HTR1D: variants seen among roughly 807,000 people sequenced by gnomAD.
HTR1D encodes the protein 5-hydroxytryptamine receptor 1D, also known as 5-HT-1D.
In HTR1D, 18 loss-of-function variants were observed where a neutral mutation model predicts 21.1. The ratio of observed to expected loss-of-function variants is 0.85; its 90% CI spans 0.59 to 1.27. The LOEUF is 1.27. HTR1D is among the 50% of genes most tolerant of loss of function. HTR1D has a pLI of 0.00. For missense variants in HTR1D, 456 were observed against 481.4 expected, an observed-to-expected ratio of 0.95 and a Z score of 0.49; for synonymous variants, 196 against 204.4, an observed-to-expected ratio of 0.96 and a Z score of 0.35.
chr1:23,202,859 C>T (rs2148240838), intron 1 of HTR1D, among the ~76,000 whole-genome samples: 1 of 152,256 alleles, frequency 6.6e-6, no homozygotes, highest in Admixed American at 6.5e-5. Flanking sequence ...AAGTCTACCT[C>T]CCAGAGATAT....
rs1199760172 is a variant in HTR1D at position 23,217,182 on chromosome 1, G to A, written c.-783+109C>T. Among the ~76,000 whole-genome samples, 1 of 151,740 alleles carries A rather than the reference G, an allele frequency of 6.6e-6. No individual in the cohort carries two copies. Among genetic ancestry groups the A allele is most frequent in the African/African-American group, 2.4e-5 (1 of 41,356 alleles). ...GCGCGCCCGTCCGAGGGCACAGAGAGGCGGGACGCCCCGGGCCCCCGAGGC... is the reference window on the plus strand; with the variant it reads ...GCGCGCCCGTCCGAGGGCACAGAGAAGCGGGACGCCCCGGGCCCCCGAGGC... On this transcript the variant is annotated intron_variant, in intron 1 of 1. Transcript: ENST00000374619. This position sits in a 1 kb window ranked among gnomAD's most constrained non-coding sequence, Gnocchi z 4.6.
intron 1 of HTR1D, among the ~76,000 whole-genome samples, chr1:23,197,191 C>A (rs2148238735): frequency 6.6e-6 from 1 of 152,128 alleles, no homozygotes; most frequent in Non-Finnish European, 1.5e-5. Context: ...AGCCCTCCAG[C>A]CCTCAGCAAC....
chr1:23,204,684 T>G (rs1270729074), intron 1 of HTR1D, among the ~76,000 whole-genome samples: 1 of 152,220 alleles, frequency 6.6e-6, no homozygotes, highest in Non-Finnish European at 1.5e-5. Context: ...AGTAAGCCAG[T>G]GCCAAATGTA....
At position 23,193,452 on chromosome 1, in the gene HTR1D, G is replaced by A. The variant is rs1341452115; in HGVS notation, c.768C>T (p.Leu256=). ...AGTGCCCCTCATGGAGGCTGGAGTT[G>A]AGCGAGCAGAGCGAGGACCCGGCAG... ...TGSAGSSLCS[L]NSSLHEGHSH... is the part of the protein sequence containing the mutation. The change falls in exon 2 of 2, where the codon CTC becomes CTT. Residue 256 remains leucine (L), a synonymous_variant. Coordinates refer to ENST00000374619, the MANE Select transcript of HTR1D (RefSeq NM_000864.5). 1 of 1,614,200 alleles carries A rather than the reference G, an allele frequency of 6.2e-7. No homozygotes were observed. Among genetic ancestry groups the A allele is most frequent in the South Asian group, 1.1e-5 (1 of 91,082 alleles).
chr1:23,197,331 T>A (rs565458628), intron 1 of HTR1D, among the ~76,000 whole-genome samples: 1 of 152,314 alleles, frequency 6.6e-6, no homozygotes. Context: ...TCCTTCCCCA[T>A]TGTGAACAAA....
intron 1 of HTR1D, among the ~76,000 whole-genome samples, chr1:23,197,720 TAAA>T (rs772773332): frequency 2.6e-5 from 3 of 114,206 alleles, no homozygotes; most frequent in South Asian, 2.8e-4. Flanking sequence ...AGACTCTACC[TAAA>T]AAAAAAAAAA....
At chr1:23,211,698 G>A (rs1053541864) in intron 1 of HTR1D, among the ~76,000 whole-genome samples, 13 of 151,966 alleles carry the variant, frequency 8.6e-5, no homozygotes, top group Non-Finnish European at 1.6e-4. Flanking sequence ...CACTCTCTCT[G>A]TTGCCTAGGC....
chr1:23,199,415 CTTTTTTTTTTTTTTTTTTTT>C (rs71020483), intron 1 of HTR1D, among the ~76,000 whole-genome samples: 30 of 46,330 alleles, frequency 6.5e-4, no homozygotes, highest in East Asian at 2.7e-3. Flanking sequence ...CATGTGTGGT[CTTTTTTTTTTTTTTTTTTTT>C]TTTTTTTTTT....
chr1:23,202,567 TA>T (rs1225816011), intron 1 of HTR1D, among the ~76,000 whole-genome samples: 1 of 152,204 alleles, frequency 6.6e-6, no homozygotes, highest in Non-Finnish European at 1.5e-5. Flanking sequence ...AATGTGTCCT[TA>T]GAAGCCAGTC....
rs896533561 is a variant in HTR1D, at chr1:23,194,770, A to T, written c.-551T>A. ...GCTTTTAAAACTAGACACAAAAAGAAGTTCCAGCCGATTCAGAGAAGCAGT... is the reference window on the plus strand; with the variant it reads ...GCTTTTAAAACTAGACACAAAAAGATGTTCCAGCCGATTCAGAGAAGCAGT... On this transcript the variant is annotated 5_prime_UTR_variant, in exon 2 of 2. Transcript: ENST00000374619. 4.9e-5 allele frequency: 8 copies of T among 162,300 alleles called. No homozygotes were observed. The highest frequency in any genetic ancestry group is 1.2e-4 in the Non-Finnish European group (8 of 68,174). 10.1% of individuals were successfully genotyped at this position (162,300 alleles called of 1,614,324 possible).
chr1:23,209,324 C>T (rs551750859), intron 1 of HTR1D, among the ~76,000 whole-genome samples: 1 of 152,210 alleles, frequency 6.6e-6, no homozygotes, highest in African/African-American at 2.4e-5. Context: ...AAAAATGTGG[C>T]TACTTTGAAA....
At chr1:23,199,176 T>C (rs1388549280) in intron 1 of HTR1D, among the ~76,000 whole-genome samples, 1 of 152,036 alleles carries the variant, frequency 6.6e-6, no homozygotes, top group East Asian at 1.9e-4. Flanking sequence ...TGCAGGGGCA[T>C]GATCACAGCT....
intron 1 of HTR1D, among the ~76,000 whole-genome samples, chr1:23,204,923 T>C (rs908847090): frequency 6.6e-6 from 1 of 152,152 alleles, no homozygotes; most frequent in Non-Finnish European, 1.5e-5. Flanking sequence ...GAAGTCATTA[T>C]ACAAAAAAGA....
At chr1:23,208,519 C>T (rs998137040) in intron 1 of HTR1D, among the ~76,000 whole-genome samples, 6 of 150,690 alleles carry the variant, frequency 4.0e-5, no homozygotes, top group East Asian at 1.9e-4. Flanking sequence ...TGCAGTGAGC[C>T]GAGATCATGC....
chr1:23,193,815 G>C lies in HTR1D; in HGVS notation c.405C>G (p.Asp135Glu). Reference sequence around the variant, plus strand: ...GGGCATCTGTGATTGCCCAGTACCTGTCCAGAGCAATGACACAGAGATGCA... The same window carrying C: ...GGGCATCTGTGATTGCCCAGTACCTCTCCAGAGCAATGACACAGAGATGCA... The part of the protein sequence containing the change: ...SILHLCVIAL[D>E]RYWAITDALE... The change falls in exon 2 of 2, where the codon GAC becomes GAG. Residue 135 changes from aspartate to glutamate, a missense_variant. Asp to Glu is a conservative substitution (Grantham distance 45, BLOSUM62 2). Coordinates refer to ENST00000374619, the MANE Select transcript of HTR1D (RefSeq NM_000864.5). 6.2e-7 allele frequency: 1 copy of C among 1,614,212 alleles called. No individual in the cohort carries two copies. Among genetic ancestry groups the C allele is most frequent in the South Asian group, 1.1e-5 (1 of 91,080 alleles).
rs550286344 is a variant in HTR1D at position 23,194,758 on chromosome 1, G to C, written c.-539C>G. 44 of 164,536 alleles carry C rather than the reference G, an allele frequency of 2.7e-4. No homozygotes were observed. Among genetic ancestry groups the C allele is most frequent in the African/African-American group, 1.0e-3 (43 of 41,588 alleles). The allele number at this position is 164,536 out of a possible 1,614,324, so 10.2% of individuals were successfully genotyped here. A position where few individuals can be genotyped will look rare whatever the true frequency, so the allele number is the denominator to read the frequency against. Reference sequence around the variant, plus strand: ...TGCTTCTGAGGAGCTTTTAAAACTAGACACAAAAAGAAGTTCCAGCCGATT... The same window carrying C: ...TGCTTCTGAGGAGCTTTTAAAACTACACACAAAAAGAAGTTCCAGCCGATT... On this transcript the variant is annotated 5_prime_UTR_variant, in exon 2 of 2. Transcript: ENST00000374619.
chr1:23,194,836 T>A lies in HTR1D; in HGVS notation c.-617A>T, dbSNP rs1027995928. 6.5e-6 allele frequency: 1 copy of A among 152,974 alleles called. No individual in the cohort carries two copies. 9.5% of individuals were successfully genotyped at this position (152,974 alleles called of 1,614,324 possible). On this transcript the variant is annotated 5_prime_UTR_variant, in exon 2 of 2. Coordinates refer to ENST00000374619, the MANE Select transcript of HTR1D (RefSeq NM_000864.5). ...GCTCGCGGTTTTCCCAGGTTCATCTTGACGCATCCTGAGCTACTTAACTTC... is the reference window on the plus strand; with the variant it reads ...GCTCGCGGTTTTCCCAGGTTCATCTAGACGCATCCTGAGCTACTTAACTTC...
chr1:23,205,629 C>T (rs1042889152), intron 1 of HTR1D, among the ~76,000 whole-genome samples: 1 of 152,156 alleles, frequency 6.6e-6, no homozygotes, highest in African/African-American at 2.4e-5. Context: ...TTGCAACTTC[C>T]GCCTCCCGGG....
intron 1 of HTR1D, among the ~76,000 whole-genome samples, chr1:23,206,613 G>C (rs76485362): frequency 0.16 from 25,015 of 152,050 alleles, 2,278 homozygotes; most frequent in Middle Eastern, 0.26. Flanking sequence ...TGTGTCCTCT[G>C]ACTGGAAAAT....
Sources: allele counts gnomAD v4.1 joint callset (sites outside exome capture counted in the v4.1 genomes callset), GRCh38; gene constraint gnomAD v4.1.1; non-coding constraint Gnocchi (gnomAD v3.1); transcripts MANE v1.5; gene names NCBI Gene and HGNC (gene_info 2026-07-23, HGNC 2026-07-21).